The following TMTC2 variants were observed in gnomAD, a reference collection of about 807,000 sequenced individuals.
TMTC2 encodes the protein protein O-mannosyl-transferase TMTC2.
A neutral mutation model predicts 82.4 loss-of-function variants in TMTC2; 43 were observed. The ratio of observed to expected loss-of-function variants is 0.52; its 90% confidence interval spans 0.41 to 0.67. The LOEUF (loss-of-function observed/expected upper bound fraction) is 0.67. Ranked by LOEUF, TMTC2 falls within the 30% of genes least tolerant of loss-of-function variation. The pLI is 0.00. For missense variants in TMTC2, 919 were observed against 1,012.4 expected (o/e 0.91, Z 1.25); for synonymous variants, 408 against 381.9 (o/e 1.07, Z -0.80).
intron 1 of TMTC2, among the ~76,000 whole-genome samples, chr12:82,852,544 C>T (rs759333772): frequency 6.6e-6 from 1 of 152,064 alleles, no homozygotes; most frequent in Admixed American, 6.6e-5. Context: ...ATCCTGATTC[C>T]TTAGTGCCTT....
At chr12:82,874,629 A>G (rs1036986780) in intron 2 of TMTC2, among the ~76,000 whole-genome samples, 11 of 152,156 alleles carry the variant, frequency 7.2e-5, no homozygotes, top group Admixed American at 1.3e-4. Context: ...ATTTAAAATA[A>G]TACCCCCTTT....
chr12:83,104,611 G>A (rs1424206654), intron 11 of TMTC2, among the ~76,000 whole-genome samples: 1 of 152,216 alleles, frequency 6.6e-6, no homozygotes, highest in Non-Finnish European at 1.5e-5. Context: ...GGTCTCCCAA[G>A]GCTGCTCAGG....
chr12:83,114,423 G>A (rs748818600), intron 11 of TMTC2, among the ~76,000 whole-genome samples: 3 of 152,156 alleles, frequency 2.0e-5, no homozygotes, highest in African/African-American at 4.8e-5. Context: ...TGAGAAACAC[G>A]TGTTTGTTGT....
At chr12:82,959,874 C>A (rs550733698) in intron 4 of TMTC2, among the ~76,000 whole-genome samples, 1 of 150,300 alleles carries the variant, frequency 6.7e-6, no homozygotes, top group African/African-American at 2.5e-5. Flanking sequence ...AAACTATCAA[C>A]AGAGTAAACA....
At chr12:82,848,415 C>T (rs768490801) in intron 1 of TMTC2, among the ~76,000 whole-genome samples, 1 of 152,084 alleles carries the variant, frequency 6.6e-6, no homozygotes, top group Non-Finnish European at 1.5e-5. Context: ...TTTGTGTTCT[C>T]CCATACCAGT....
chr12:82,723,170 C>T (rs1425508118), intron 1 of TMTC2, among the ~76,000 whole-genome samples: 1 of 152,130 alleles, frequency 6.6e-6, no homozygotes, highest in Non-Finnish European at 1.5e-5. Context: ...AGTAAAGAGA[C>T]GATTTTAACT....
intron 1 of TMTC2, among the ~76,000 whole-genome samples, chr12:82,767,140 C>A (rs1274063794): frequency 1.3e-5 from 2 of 152,124 alleles, no homozygotes; most frequent in Non-Finnish European, 2.9e-5. Flanking sequence ...GAGTGAACAA[C>A]TTGTGTGGTT....
rs777563927 is a variant in TMTC2 at position 82,857,258 on chromosome 12, G to A, written c.332G>A (p.Gly111Asp). 1.2e-6 allele frequency: 2 copies of A among 1,614,144 alleles called. No homozygotes were observed. The highest frequency in any genetic ancestry group is 1.7e-6 in the Non-Finnish European group (2 of 1,180,038). Residue 111 changes from glycine (G) to aspartate (D), a missense_variant, in exon 2 of 12, where the codon GGT (glycine) becomes GAT (aspartate). Physicochemically the swap from Gly to Asp is moderately conservative, Grantham distance 94. Coordinates refer to ENST00000321196, the MANE Select transcript of TMTC2 (RefSeq NM_152588.3). ...ACAAGCTTCTCCAAGATCCTCCTTG[G>A]TGATGGATACTGGACATTCATGGCT... ...LFTSFSKILL[G>D]DGYWTFMAGL...
chr12:82,764,135 C>T (rs1466895090), intron 1 of TMTC2, among the ~76,000 whole-genome samples: 1 of 152,076 alleles, frequency 6.6e-6, no homozygotes, highest in Non-Finnish European at 1.5e-5. Context: ...TACATATACA[C>T]ACACATACAC....
chr12:82,840,367 T>A (rs1870267275), intron 1 of TMTC2, among the ~76,000 whole-genome samples: 1 of 152,230 alleles, frequency 6.6e-6, no homozygotes, highest in African/African-American at 2.4e-5. Context: ...AAGAGATGAA[T>A]GTAGACTTTT....
intron 3 of TMTC2, among the ~76,000 whole-genome samples, chr12:82,897,174 T>G (rs1257912593): frequency 6.6e-6 from 1 of 152,180 alleles, no homozygotes; most frequent in East Asian, 1.9e-4. Context: ...TGAGTCACCT[T>G]TGGCTGCGCA....
At chr12:82,769,345 A>T (rs1425429073) in intron 1 of TMTC2, among the ~76,000 whole-genome samples, 1 of 151,870 alleles carries the variant, frequency 6.6e-6, no homozygotes, top group Non-Finnish European at 1.5e-5. Flanking sequence ...GCGTGGTGGC[A>T]GGTGCCTGTA....
chr12:83,131,712 AC>A (rs1885260272), intron 11 of TMTC2, among the ~76,000 whole-genome samples: 1 of 152,202 alleles, frequency 6.6e-6, no homozygotes, highest in African/African-American at 2.4e-5. Flanking sequence ...TTACCCAAAA[AC>A]ATCCGTAAAA....
intron 1 of TMTC2, among the ~76,000 whole-genome samples, chr12:82,793,106 T>C (rs1026419719): frequency 6.6e-6 from 1 of 152,156 alleles, no homozygotes; most frequent in Non-Finnish European, 1.5e-5. Context: ...AATTACACGA[T>C]GATAGTATGG....
chr12:83,132,479 G>A lies in TMTC2; in HGVS notation c.*90G>A, dbSNP rs1391562513. The A allele has an allele frequency of 6.9e-7, 1 of 1,451,988 alleles. No homozygotes were observed. The highest frequency in any genetic ancestry group is 9.4e-7 in the Non-Finnish European group (1 of 1,065,068). The allele number at this position is 1,451,988 out of a possible 1,614,324, so 89.9% of individuals were successfully genotyped here. The stretch of plus-strand genomic sequence containing the variant: ...CCCAGCAGTGCTATGACAAGAGCTG[G>A]TGTTAGACTTCAAGACCAGGGCAGA... On this transcript the variant is annotated 3_prime_UTR_variant, in exon 12 of 12. Coordinates refer to ENST00000321196, the MANE Select transcript of TMTC2 (RefSeq NM_152588.3).
intron 8 of TMTC2, among the ~76,000 whole-genome samples, chr12:82,987,004 A>G (rs1014939573): frequency 6.6e-6 from 1 of 152,192 alleles, no homozygotes; most frequent in Admixed American, 6.5e-5. Flanking sequence ...TTAGAAAAAC[A>G]TAGAGCAAAT....
At chr12:82,834,932 C>T (rs1044570007) in intron 1 of TMTC2, among the ~76,000 whole-genome samples, 15 of 151,538 alleles carry the variant, frequency 9.9e-5, no homozygotes, top group African/African-American at 1.5e-4. Context: ...GGCTGGAGTG[C>T]GGTGGTGCTA....
intron 8 of TMTC2, among the ~76,000 whole-genome samples, chr12:82,995,846 G>T (rs931385663): frequency 6.6e-6 from 1 of 152,150 alleles, no homozygotes; most frequent in Non-Finnish European, 1.5e-5. Context: ...GAGCTGAAGT[G>T]TAGTGGTCCA....
chr12:82,690,981 C>T (rs1768250975), intron 1 of TMTC2, among the ~76,000 whole-genome samples: 1 of 152,092 alleles, frequency 6.6e-6, no homozygotes, highest in African/African-American at 2.4e-5. Flanking sequence ...ATGGAGATAA[C>T]ACCATGAGAG....
Sources: gnomAD v4.1 joint callset for allele counts (sites outside exome capture counted in the v4.1 genomes callset) on GRCh38, gnomAD v4.1.1 for gene constraint, MANE v1.5 for transcripts, NCBI Gene and HGNC (gene_info 2026-07-23, HGNC 2026-07-21) for gene names.